The following ACSM3 variants were observed in gnomAD, a reference collection of about 807,000 sequenced individuals.
ACSM3 encodes the protein acyl-CoA synthetase medium chain family member 3, also known as acyl-coenzyme A synthetase ACSM3, mitochondrial.
A neutral mutation model predicts 74.1 loss-of-function variants in ACSM3; 61 were observed. That is an observed-to-expected ratio of 0.82 (90% CI 0.67 to 1.02). The LOEUF (loss-of-function observed/expected upper bound fraction) is 1.02, where lower values mean the gene tolerates loss of function less well. ACSM3 is among the 50% of genes least tolerant of loss of function. ACSM3 has a pLI of 0.00. For synonymous variants in ACSM3, 213 were observed against 241.5 expected (o/e 0.88, Z 1.09); for missense variants, 660 against 697.0 (o/e 0.95, Z 0.60).
chr16:20,717,960 GA>G (rs879449028), intron 1 of ACSM3, among the ~76,000 whole-genome samples: 11,896 of 62,730 alleles, frequency 0.19, 696 homozygotes, highest in South Asian at 0.23. Flanking sequence ...GGAAGAGGAA[GA>G]AGAAGAAGAA....
At chr16:20,738,001 T>TA (rs2079885625) in intron 1 of ACSM3, 2 of 1,537,236 alleles carry the variant, frequency 1.3e-6, no homozygotes, top group African/African-American at 1.4e-5. Flanking sequence ...TCAGACATCT[T>TA]AAAGATCGAA....
At chr16:20,792,728 C>A (rs533407688) in intron 12 of ACSM3, 1 of 985,228 alleles carries the variant, frequency 1.0e-6, no homozygotes, top group Non-Finnish European at 1.2e-6. Flanking sequence ...GGAGAATGGG[C>A]TGGCATCAGA....
Position 20,797,311 on chromosome 16 carries a change from G to A in ACSM3, c.*339G>A. The A allele has an allele frequency of 9.8e-7, 1 of 1,024,176 alleles. No homozygotes were observed. Among genetic ancestry groups the A allele is most frequent in the Admixed American group, 5.8e-5 (1 of 17,354 alleles). The allele number at this position is 1,024,176 out of a possible 1,614,324, so 63.4% of individuals were successfully genotyped here. On this transcript the variant is annotated 3_prime_UTR_variant, in exon 14 of 14. Transcript: ENST00000289416. ...AGTTGACTAATTCTTCTGATATGTT[G>A]ATATACAAATCAGAACCAATGTTCA...
rs565565026 is a variant in ACSM3 at position 20,742,904 on chromosome 16, A to G, written c.-189-7006A>G. 1.2e-3 allele frequency among the ~76,000 whole-genome samples: 175 copies of G among 150,352 alleles called. 1 individual carries two copies. Among genetic ancestry groups the G allele is most frequent in the African/African-American group, 4.2e-3 (172 of 40,894 alleles). ...CTGCATTGCCATTTACGTGGGATAA[A>G]GGTTGTTTACCCCCAAAGGTATTGT... On this transcript the variant is annotated intron_variant, in intron 1 of 3. Transcript: ENST00000561584.
intron 1 of ACSM3, chr16:20,719,145 G>A (rs2079776993): frequency 1.3e-5 from 2 of 155,174 alleles, no homozygotes; most frequent in African/African-American, 2.4e-5. Flanking sequence ...TGGGGGCAAG[G>A]TCACTCCTGA....
At position 20,694,197 on chromosome 16, in the gene ACSM3, C is replaced by T. The variant is rs143170482; in HGVS notation, c.-190+19375C>T. Among the ~76,000 whole-genome samples the T allele has an allele frequency of 1.1e-3, 160 of 152,308 alleles. 1 individual carries two copies. Among genetic ancestry groups the T allele is most frequent in the African/African-American group, 3.6e-3 (151 of 41,560 alleles). On this transcript the variant is annotated intron_variant, in intron 1 of 3. Transcript: ENST00000561584. ...AAAAAGTTCTAAGTTGCTAGCCAATCGGGACAAATACAGAATGTGAGGTCC... is the reference window on the plus strand; with the variant it reads ...AAAAAGTTCTAAGTTGCTAGCCAATTGGGACAAATACAGAATGTGAGGTCC...
intron 2 of ACSM3, among the ~76,000 whole-genome samples, chr16:20,772,753 T>C (rs182673607): frequency 6.6e-6 from 1 of 152,160 alleles, no homozygotes; most frequent in Admixed American, 6.5e-5. Context: ...GCTGTTTTGG[T>C]TACTATAGCT....
At chr16:20,767,046 C>T (rs952614268) in intron 1 of ACSM3, among the ~76,000 whole-genome samples, 10 of 151,844 alleles carry the variant, frequency 6.6e-5, no homozygotes, top group Non-Finnish European at 1.5e-4. Flanking sequence ...ATTTTTTTTT[C>T]CCTCTGTACC....
At chr16:20,697,253 G>C (rs2079694638) in intron 1 of ACSM3, among the ~76,000 whole-genome samples, 2 of 151,806 alleles carry the variant, frequency 1.3e-5, no homozygotes, top group African/African-American at 4.8e-5. Context: ...TTTTTAGAAG[G>C]CATTCACTTT....
At chr16:20,708,848 C>A (rs1319573031) in intron 1 of ACSM3, among the ~76,000 whole-genome samples, 1 of 152,242 alleles carries the variant, frequency 6.6e-6, no homozygotes, top group Non-Finnish European at 1.5e-5. Flanking sequence ...GGAGGCATCA[C>A]ACTCCCTGAC....
rs183229731 is a variant in ACSM3, at chr16:20,710,106, G to A, written c.-190+35284G>A. Among the ~76,000 whole-genome samples the A allele has an allele frequency of 3.4e-3, 519 of 152,216 alleles. 2 individuals carry two copies. The highest frequency in any genetic ancestry group is 0.012 in the African/African-American group (512 of 41,504). On this transcript the variant is annotated intron_variant, in intron 1 of 3. Coordinates refer to the ACSM3 transcript ENST00000561584. ...GTGCATGTTCTTTCTGCAATTAACT[G>A]GTACTTTAAATTCAGACTTATCTCC... is the stretch of plus-strand genomic sequence containing the variant.
chr16:20,789,565 A>G (rs766413159), intron 9 of ACSM3: 23 of 1,592,576 alleles, frequency 1.4e-5, no homozygotes, highest in Non-Finnish European at 1.9e-5. Context: ...CAGCTAAACA[A>G]AGTTTGAAAA....
chr16:20,759,142 A>AC (rs2080055385), upstream of ACSM3, among the ~76,000 whole-genome samples: 3 of 152,032 alleles, frequency 2.0e-5, no homozygotes, highest in South Asian at 6.2e-4. Flanking sequence ...TTTCTCTCCC[A>AC]CCCCACCACC....
Position 20,781,757 on chromosome 16 carries a change from A to C in ACSM3, c.989A>C (p.Tyr330Ser), listed in dbSNP as rs1473549126. ...GTCTTCTGTTCAGCACCAACTGTAT[A>C]CCGAATGCTTGTACAGAATGATATA... ...ITVFCSAPTV[Y>S]RMLVQNDITS... Residue 330 changes from tyrosine to serine, a missense_variant, in exon 7 of 14, where the codon TAC becomes TCC. Transcript: ENST00000289416. 1 of 1,612,910 alleles carries C rather than the reference A, an allele frequency of 6.2e-7. No individual in the cohort carries two copies. The highest frequency in any genetic ancestry group is 1.3e-5 in the African/African-American group (1 of 74,896).
At chr16:20,793,796 G>A (rs899357188) in intron 12 of ACSM3, among the ~76,000 whole-genome samples, 2 of 152,204 alleles carry the variant, frequency 1.3e-5, no homozygotes, top group Non-Finnish European at 2.9e-5. Flanking sequence ...ACGAGTCTTA[G>A]CTCTTCCTGT....
chr16:20,741,498 G>A (rs1314720667), intron 1 of ACSM3: 2 of 37,622 alleles, frequency 5.3e-5, no homozygotes, highest in Non-Finnish European at 1.1e-4. Flanking sequence ...CGCCCACCCC[G>A]GGACCGGTAC....
intron 1 of ACSM3, chr16:20,698,921 G>A (rs1379657061): frequency 1.3e-5 from 2 of 152,192 alleles, no homozygotes; most frequent in Non-Finnish European, 2.9e-5. Context: ...TAAAAAGCAT[G>A]TAGCACACGG....
chr16:20,728,791 T>C (rs2079816017), intron 1 of ACSM3, among the ~76,000 whole-genome samples: 1 of 152,174 alleles, frequency 6.6e-6, no homozygotes, highest in South Asian at 2.1e-4. Flanking sequence ...TTATATCTTA[T>C]ACTAGGAACT....
chr16:20,691,336 T>C, intron 1 of ACSM3: 2 of 616,670 alleles, frequency 3.2e-6, no homozygotes, highest in Non-Finnish European at 5.4e-6. Flanking sequence ...TATAGCTTTG[T>C]TTCAGGTCAC....
Sources: allele counts gnomAD v4.1 joint callset (sites outside exome capture counted in the v4.1 genomes callset), GRCh38; gene constraint gnomAD v4.1.1; transcripts MANE v1.5; gene names NCBI Gene and HGNC (gene_info 2026-07-23, HGNC 2026-07-21).